MERTK: variants seen among roughly 807,000 people sequenced by gnomAD.
MERTK encodes MER proto-oncogene, tyrosine kinase, also known as tyrosine-protein kinase Mer.
Under a neutral mutation model 99.3 loss-of-function variants are expected in MERTK, and 69 were observed. The observed-to-expected ratio is 0.70, with a 90% CI of 0.57 to 0.85. The LOEUF (loss-of-function observed/expected upper bound fraction) is 0.85, where lower values mean the gene tolerates loss of function less well. MERTK is among the 40% of genes least tolerant of loss of function. MERTK has a pLI of 0.00. For synonymous variants in MERTK, 426 were observed against 467.6 expected, an observed-to-expected ratio of 0.91 and a Z score of 1.15; for missense variants, 1,125 against 1,249.4, an observed-to-expected ratio of 0.90 and a Z score of 1.50.
At chr2:111,932,519 G>A (rs1684692318) in intron 2 of MERTK, among the ~76,000 whole-genome samples, 1 of 152,184 alleles carries the variant, frequency 6.6e-6, no homozygotes, top group Admixed American at 6.5e-5. Context: ...CATACAGGAT[G>A]ATACCAAATT....
At chr2:111,907,119 A>G (rs1355379746) in intron 1 of MERTK, among the ~76,000 whole-genome samples, 1 of 152,202 alleles carries the variant, frequency 6.6e-6, no homozygotes, top group Admixed American at 6.5e-5. Context: ...AGTTTCATTA[A>G]AAATGAGTGA....
chr2:111,938,425 T>G (rs756820314), intron 2 of MERTK, among the ~76,000 whole-genome samples: 3 of 152,222 alleles, frequency 2.0e-5, no homozygotes, highest in Non-Finnish European at 4.4e-5. Flanking sequence ...TCATACAATA[T>G]TTGTCCTTTT....
At chr2:111,957,471 C>A (rs376306991) in intron 4 of MERTK, among the ~76,000 whole-genome samples, 3 of 152,120 alleles carry the variant, frequency 2.0e-5, no homozygotes, top group Non-Finnish European at 2.9e-5. Flanking sequence ...GATACCCCCC[C>A]GCCCATCATT....
chr2:111,933,162 A>G (rs1684704401), intron 2 of MERTK, among the ~76,000 whole-genome samples: 1 of 152,168 alleles, frequency 6.6e-6, no homozygotes, highest in African/African-American at 2.4e-5. Context: ...CTAAATGTGC[A>G]TTGTTTTTTA....
intron 3 of MERTK, among the ~76,000 whole-genome samples, chr2:111,945,845 G>A (rs1230041488): frequency 1.3e-5 from 2 of 152,224 alleles, no homozygotes; most frequent in African/African-American, 4.8e-5. Flanking sequence ...ACCCCTGGGG[G>A]CTTCCCTCTG....
In MERTK at chr2:111,982,469, A is replaced by G. The variant is rs901870986; in HGVS notation, c.1145-373A>G. ...ATGATCATGTCTCACTGTAGCCTCA[A>G]TCTCCTGGGCTCAAGGAATCCTCCT... On this transcript the variant is annotated intron_variant, in intron 7 of 18. Transcript: ENST00000295408. 2.7e-4 allele frequency among the ~76,000 whole-genome samples: 41 copies of G among 152,130 alleles called. 1 individual carries two copies. The highest frequency in any genetic ancestry group is 9.6e-4 in the African/African-American group (40 of 41,508).
At chr2:111,932,917 G>T (rs1018160566) in intron 2 of MERTK, among the ~76,000 whole-genome samples, 3 of 152,138 alleles carry the variant, frequency 2.0e-5, no homozygotes, top group African/African-American at 7.2e-5. Flanking sequence ...CATGTCTCAG[G>T]TCAGGGAGGG....
intron 1 of MERTK, among the ~76,000 whole-genome samples, chr2:111,918,643 G>A (rs974957794): frequency 6.6e-6 from 1 of 152,230 alleles, no homozygotes; most frequent in Non-Finnish European, 1.5e-5. Context: ...TGCAAGAGTT[G>A]AATGGTCTGA....
chr2:111,979,843 A>G (rs1028607446), intron 7 of MERTK, among the ~76,000 whole-genome samples: 1 of 151,416 alleles, frequency 6.6e-6, no homozygotes, highest in Non-Finnish European at 1.5e-5. Context: ...TAGTCTCCCT[A>G]GTTCCCTACA....
Position 112,029,076 on chromosome 2 carries a change from G to T in MERTK, c.*212G>T, listed in dbSNP as rs1677529233. 1.6e-6 allele frequency: 2 copies of T among 1,271,690 alleles called. No individual in the cohort carries two copies. Among genetic ancestry groups the T allele is most frequent in the Admixed American group, 6.9e-5 (2 of 28,930 alleles). The allele number at this position is 1,271,690 out of a possible 1,614,324, so 78.8% of individuals were successfully genotyped here. A position where few individuals can be genotyped will look rare whatever the true frequency, so the allele number is the denominator to read the frequency against. On this transcript the variant is annotated 3_prime_UTR_variant, in exon 19 of 19. Transcript: ENST00000295408. ...AAAATATGTGTATATCATGGAAAAAGACAAGGATATTTTAATAAAACATTA... is the reference window on the plus strand; with the variant it reads ...AAAATATGTGTATATCATGGAAAAATACAAGGATATTTTAATAAAACATTA...
intron 9 of MERTK, chr2:111,996,654 C>G (rs1366415737): frequency 1.9e-5 from 3 of 161,250 alleles, no homozygotes; most frequent in African/African-American, 7.2e-5. Context: ...TGAACTTATG[C>G]ACATACATCA....
At chr2:111,983,784 C>T (rs369892919) in intron 8 of MERTK, among the ~76,000 whole-genome samples, 3 of 152,218 alleles carry the variant, frequency 2.0e-5, no homozygotes, top group African/African-American at 4.8e-5. Flanking sequence ...ACCTACTTCA[C>T]TGCCCACGTG....
chr2:111,985,437 C>T (rs1422363764), intron 8 of MERTK, among the ~76,000 whole-genome samples: 1 of 152,178 alleles, frequency 6.6e-6, no homozygotes, highest in African/African-American at 2.4e-5. Flanking sequence ...TCAAGTCTGT[C>T]TCTTCTTTAC....
chr2:112,016,463 C>T (rs1573643498), intron 15 of MERTK, among the ~76,000 whole-genome samples: 1 of 152,288 alleles, frequency 6.6e-6, no homozygotes, highest in East Asian at 1.9e-4. Flanking sequence ...TCTTTGCTGC[C>T]TGGAATAAAT....
chr2:111,898,654 G>A lies in MERTK; in HGVS notation c.-82G>A. 1.3e-6 allele frequency: 2 copies of A among 1,513,956 alleles called. No individual in the cohort carries two copies. Among genetic ancestry groups the A allele is most frequent in the Non-Finnish European group, 1.8e-6 (2 of 1,112,102 alleles). 93.8% of individuals were successfully genotyped at this position (1,513,956 alleles called of 1,614,324 possible). ...CGCCCGGACAGGGAGCTTCGCTGGCGCGCTTGGCCGGCGACAGGACAGGTT... is the reference window on the plus strand; with the variant it reads ...CGCCCGGACAGGGAGCTTCGCTGGCACGCTTGGCCGGCGACAGGACAGGTT... On this transcript the variant is annotated 5_prime_UTR_variant, in exon 1 of 19. Coordinates refer to ENST00000295408, the MANE Select transcript of MERTK (RefSeq NM_006343.3).
At position 112,028,512 on chromosome 2, in the gene MERTK, G is replaced by A. The variant is rs887297637; in HGVS notation, c.2648G>A (p.Gly883Asp). ...ACACAGTTGCTGGAGAGCTCTGAGG[G>A]CCTGGCCCAGGGCTCCACCCTTGCT... ...VNTQLLESSE[G>D]LAQGSTLAPL... The change falls in exon 19 of 19, where the codon GGC becomes GAC. Residue 883 changes from glycine (G) to aspartate (D), a missense_variant. Coordinates refer to ENST00000295408, the MANE Select transcript of MERTK (RefSeq NM_006343.3). The A allele has an allele frequency of 3.7e-6, 6 of 1,614,134 alleles. No homozygotes were observed. In the African/African-American group the frequency reaches 6.7e-5, roughly 18 times the overall value.
intron 7 of MERTK, among the ~76,000 whole-genome samples, chr2:111,979,380 A>G (rs1182503893): frequency 1.3e-5 from 2 of 152,156 alleles, no homozygotes; most frequent in African/African-American, 2.4e-5. Context: ...TAAGTTTTCT[A>G]TGTGAACTGT....
intron 2 of MERTK, among the ~76,000 whole-genome samples, chr2:111,933,256 C>T (rs1458555399): frequency 6.6e-6 from 1 of 152,214 alleles, no homozygotes; most frequent in Non-Finnish European, 1.5e-5. Flanking sequence ...TGCATACCTG[C>T]AGTGACCTCT....
intron 1 of MERTK, among the ~76,000 whole-genome samples, chr2:111,919,780 T>C (rs537762205): frequency 1.5e-3 from 227 of 151,018 alleles, no homozygotes; most frequent in South Asian, 5.0e-3. Context: ...TGTTTTTTGA[T>C]GTTTTTTCTT....
Sources: allele counts gnomAD v4.1 joint callset (sites outside exome capture counted in the v4.1 genomes callset), GRCh38; gene constraint gnomAD v4.1.1; transcripts MANE v1.5; gene names NCBI Gene and HGNC (gene_info 2026-07-23, HGNC 2026-07-21).